Variants in FAM162B observed in about 807,000 individuals in gnomAD.
FAM162B encodes protein FAM162B.
In FAM162B, 16 loss-of-function variants were observed where a neutral mutation model predicts 20.0. The ratio of observed to expected loss-of-function variants is 0.80; its 90% CI spans 0.54 to 1.21. The LOEUF (loss-of-function observed/expected upper bound fraction) is 1.21, where lower values mean the gene tolerates loss of function less well. Among genes scored for constraint, FAM162B ranks in the 50% most tolerant of loss-of-function variants. The pLI is 0.00. For missense variants in FAM162B, 260 were observed against 227.5 expected (o/e 1.14, Z -0.92); for synonymous variants, 83 against 89.7 (o/e 0.93, Z 0.42).
chr6:116,757,189 T>C (rs890916360), intron 3 of FAM162B, among the ~76,000 whole-genome samples: 3 of 152,176 alleles, frequency 2.0e-5, no homozygotes, highest in African/African-American at 7.2e-5. Flanking sequence ...TTGGCATAGT[T>C]GGTGGATAAA....
intron 3 of FAM162B, among the ~76,000 whole-genome samples, chr6:116,761,621 T>C (rs867766677): frequency 8.7e-4 from 128 of 147,540 alleles, no homozygotes; most frequent in Middle Eastern, 3.6e-3. Flanking sequence ...TATATATATA[T>C]ACACATATAT....
chr6:116,753,929 C>T (rs1204114733), intron 3 of FAM162B, among the ~76,000 whole-genome samples: 3 of 152,246 alleles, frequency 2.0e-5, no homozygotes, highest in African/African-American at 4.8e-5. Context: ...GGAAACCAAG[C>T]GAAGAAACCG....
chr6:116,761,312 G>A (rs1237796573), intron 3 of FAM162B, among the ~76,000 whole-genome samples: 1 of 152,064 alleles, frequency 6.6e-6, no homozygotes, highest in East Asian at 1.9e-4. Context: ...CATTGAGAAA[G>A]GCAAGGAAAG....
At chr6:116,754,991 C>T (rs1019310853) in intron 3 of FAM162B, among the ~76,000 whole-genome samples, 7 of 152,128 alleles carry the variant, frequency 4.6e-5, no homozygotes, top group African/African-American at 1.7e-4. Flanking sequence ...GGCCAGTCTC[C>T]CATTTCTCTC....
chr6:116,757,307 T>C (rs1274696340), intron 3 of FAM162B, among the ~76,000 whole-genome samples: 1 of 152,084 alleles, frequency 6.6e-6, no homozygotes, highest in East Asian at 1.9e-4. Context: ...TTATAATGAA[T>C]ATAAAATCGC....
chr6:116,752,738 ACAC>A (rs1780006665), intron 3 of FAM162B, 43 bp from the exon 4 acceptor site: 4 of 527,910 alleles, frequency 7.6e-6, no homozygotes, highest in Non-Finnish European at 1.1e-5. Context: ...ATATATAGAT[ACAC>A]GTATATATAT....
intron 2 of FAM162B, among the ~76,000 whole-genome samples, chr6:116,763,687 A>C (rs2114553853): frequency 6.6e-6 from 1 of 152,260 alleles, no homozygotes; most frequent in East Asian, 1.9e-4. Context: ...AATATGCAAT[A>C]ATGTTGGTTC....
chr6:116,756,354 A>G (rs919517352), intron 3 of FAM162B, among the ~76,000 whole-genome samples: 2 of 152,200 alleles, frequency 1.3e-5, no homozygotes, highest in Admixed American at 6.5e-5. Context: ...TGGAATTCAT[A>G]GTGGAGCCTG....
chr6:116,757,500 C>A (rs1407498374), intron 3 of FAM162B, among the ~76,000 whole-genome samples: 1 of 152,082 alleles, frequency 6.6e-6, no homozygotes, highest in Non-Finnish European at 1.5e-5. Flanking sequence ...AATCCCAGCA[C>A]TTTGGGAGGC....
chr6:116,761,650 A>G (rs377271713), intron 3 of FAM162B, among the ~76,000 whole-genome samples: 7 of 141,456 alleles, frequency 4.9e-5, no homozygotes, highest in Non-Finnish European at 9.1e-5. Flanking sequence ...ATATACACTT[A>G]TATATATACT....
intron 3 of FAM162B, among the ~76,000 whole-genome samples, chr6:116,754,200 T>G (rs887846220): frequency 6.6e-6 from 1 of 152,180 alleles, no homozygotes; most frequent in Non-Finnish European, 1.5e-5. Context: ...GGCTTTGAAG[T>G]GCAGGGAGAC....
At chr6:116,762,217 G>C in intron 2 of FAM162B, 132 bp from the exon 3 acceptor site, 1 of 623,226 alleles carries the variant, frequency 1.6e-6, no homozygotes, top group African/African-American at 1.8e-5. Context: ...ACATTTTCAT[G>C]TGAAAGACTT....
Position 116,752,741 on chromosome 6 carries a change from C to T in FAM162B, c.391-46G>A, listed in dbSNP as rs767083150. On this transcript the variant is annotated intron_variant, in intron 3 of 3. Coordinates refer to ENST00000368557, the MANE Select transcript of FAM162B (RefSeq NM_001085480.3). ...ATATATATATATATATATAGATACA[C>T]GTATATATATATATATACATATATG... 41 of 471,804 alleles carry T rather than the reference C, an allele frequency of 8.7e-5. No individual in the cohort carries two copies. The East Asian group carries it at 1.0e-3, about 12-fold the overall frequency. The allele number at this position is 471,804 out of a possible 1,614,324, so 29.2% of individuals were successfully genotyped here.
Position 116,752,542 on chromosome 6 carries a change from T to C in FAM162B, c.*55A>G. Reference sequence around the variant, plus strand: ...TAAATATTCTATTTTTCCCATCTTCTACTGTTGCTGATGACAGGGATGGTA... The same window carrying C: ...TAAATATTCTATTTTTCCCATCTTCCACTGTTGCTGATGACAGGGATGGTA... On this transcript the variant is annotated 3_prime_UTR_variant, in exon 4 of 4. Coordinates refer to ENST00000368557, the MANE Select transcript of FAM162B (RefSeq NM_001085480.3). The C allele has an allele frequency of 1.1e-6, 1 of 904,222 alleles. No individual in the cohort carries two copies. Among genetic ancestry groups the C allele is most frequent in the Non-Finnish European group, 1.6e-6 (1 of 611,866 alleles). 56.0% of individuals were successfully genotyped at this position (904,222 alleles called of 1,614,324 possible). A position where few individuals can be genotyped will look rare whatever the true frequency, so the allele number is the denominator to read the frequency against.
chr6:116,759,672 C>G (rs905499772), intron 3 of FAM162B, among the ~76,000 whole-genome samples: 5 of 152,120 alleles, frequency 3.3e-5, no homozygotes, highest in Non-Finnish European at 5.9e-5. Flanking sequence ...TTGTCACTAT[C>G]TTGCTTAAAA....
rs748513764 is a variant in FAM162B, at chr6:116,765,407, T to G, written c.170A>C (p.His57Pro). The stretch of plus-strand genomic sequence containing the variant: ...TCCCCGTCGGAGCCCTGGCTCACCG[T>G]GACCTTGGGGCCCAGAATTGCTGGG... ...GAPSNSGPQG[H>P]GEIHRVPTQR... Residue 57 changes from histidine (H) to proline (P), a missense_variant and splice_region_variant, in exon 1 of 4, where the codon CAC becomes CCC. Transcript: ENST00000368557. 1 of 1,465,894 alleles carries G rather than the reference T, an allele frequency of 6.8e-7. No individual in the cohort carries two copies. The highest frequency in any genetic ancestry group is 9.0e-7 in the Non-Finnish European group (1 of 1,106,640). The allele number at this position is 1,465,894 out of a possible 1,614,324, so 90.8% of individuals were successfully genotyped here.
chr6:116,763,034 C>T (rs1361759239), intron 2 of FAM162B, among the ~76,000 whole-genome samples: 3 of 151,458 alleles, frequency 2.0e-5, no homozygotes, highest in East Asian at 3.9e-4. Context: ...CTCTTAAAAA[C>T]AGAAAACTTT....
In FAM162B at chr6:116,765,478, C is replaced by A. The variant is rs760568819; in HGVS notation, c.99G>T (p.Pro33=). 2 of 1,411,340 alleles carry A rather than the reference C, an allele frequency of 1.4e-6. No individual in the cohort carries two copies. The highest frequency in any genetic ancestry group is 1.8e-6 in the Non-Finnish European group (2 of 1,086,954). The allele number at this position is 1,411,340 out of a possible 1,614,324, so 87.4% of individuals were successfully genotyped here. A position where few individuals can be genotyped will look rare whatever the true frequency, so the allele number is the denominator to read the frequency against. Residue 33 remains proline (P), a synonymous_variant, in exon 1 of 4, where the codon CCG becomes CCT. Transcript: ENST00000368557. ...AGGGGAGACCCCGGGGCGGAAGAGC[C>A]GGTGCGGGCCGTCGCGTGGCCTCGA... The part of the protein sequence containing the change: ...APLEATRRPA[P]ALPPRGLPCY...
At chr6:116,762,695 A>G (rs1012225228) in intron 2 of FAM162B, among the ~76,000 whole-genome samples, 1 of 152,158 alleles carries the variant, frequency 6.6e-6, no homozygotes, top group Non-Finnish European at 1.5e-5. Context: ...AAAAGATAAA[A>G]GAGACCTTCA....
Sources: gnomAD v4.1 joint callset for allele counts (sites outside exome capture counted in the v4.1 genomes callset) on GRCh38, gnomAD v4.1.1 for gene constraint, MANE v1.5 for transcripts, NCBI Gene and HGNC (gene_info 2026-07-23, HGNC 2026-07-21) for gene names.